The following TLE4 variants were observed in gnomAD, a reference collection of about 807,000 sequenced individuals.
TLE4 encodes transducin-like enhancer protein 4.
A neutral mutation model predicts 92.8 loss-of-function variants in TLE4; 8 were observed. That is an observed-to-expected ratio of 0.09 (90% CI 0.05 to 0.16). TLE4 has a LOEUF of 0.16. Among genes scored for constraint, TLE4 ranks in the 10% least tolerant of loss-of-function variants. The pLI, the probability that TLE4 is intolerant of heterozygous loss-of-function variation, is 1.00. For missense variants in TLE4, 675 were observed against 997.6 expected, an observed-to-expected ratio of 0.68 and a Z score of 4.36; for synonymous variants, 371 against 374.1, an observed-to-expected ratio of 0.99 and a Z score of 0.10.
At position 79,675,296 on chromosome 9, in the gene TLE4, A is replaced by G. The variant is rs555253249; in HGVS notation, c.609+21221A>G. 3.3e-5 allele frequency among the ~76,000 whole-genome samples: 5 copies of G among 152,068 alleles called. No individual in the cohort carries two copies. The East Asian group carries it at 7.7e-4, about 24-fold the overall frequency. On this transcript the variant is annotated intron_variant, in intron 8 of 19. Transcript: ENST00000376552. ...GTATTCCATTCCCTTTTTCCCTGCC[A>G]TCTCCTCCTGACCCTCCAGAAAAGG...
intron 5 of TLE4, among the ~76,000 whole-genome samples, chr9:79,626,703 C>T (rs893894550): frequency 1.3e-5 from 2 of 152,142 alleles, no homozygotes; most frequent in Non-Finnish European, 2.9e-5. Flanking sequence ...TTTTCCTGTA[C>T]TGTCCGTCCT....
chr9:79,652,847 G>C, intron 7 of TLE4, 53 bp downstream of exon 7: 1 of 1,563,066 alleles, frequency 6.4e-7, no homozygotes, highest in Non-Finnish European at 8.8e-7. Flanking sequence ...GCTGCTGAGG[G>C]TAGGTTCTGG....
chr9:79,714,144 C>T, intron 14 of TLE4, among the ~76,000 whole-genome samples: 1 of 152,178 alleles, frequency 6.6e-6, no homozygotes, highest in Non-Finnish European at 1.5e-5. Context: ...CAGGCCTGAG[C>T]TACCGCGCCC....
At chr9:79,667,259 T>C (rs1301239530) in intron 8 of TLE4, among the ~76,000 whole-genome samples, 1 of 152,100 alleles carries the variant, frequency 6.6e-6, no homozygotes, top group Non-Finnish European at 1.5e-5. Context: ...GGACAAAGGC[T>C]GTGTGTGGGC....
intron 8 of TLE4, among the ~76,000 whole-genome samples, chr9:79,677,545 A>G (rs1337269656): frequency 6.6e-6 from 1 of 151,742 alleles, no homozygotes; most frequent in Non-Finnish European, 1.5e-5. Flanking sequence ...CGTGGTAGAA[A>G]CTTTTTTAAT....
intron 8 of TLE4, among the ~76,000 whole-genome samples, chr9:79,687,415 A>C (rs2066111778): frequency 2.6e-5 from 4 of 152,208 alleles, no homozygotes; most frequent in Admixed American, 2.6e-4. Context: ...ATATCTCTCA[A>C]GTGGAGACCT....
chr9:79,610,958 A>C (rs1253299958), intron 4 of TLE4, among the ~76,000 whole-genome samples: 1 of 152,002 alleles, frequency 6.6e-6, no homozygotes, highest in Non-Finnish European at 1.5e-5. Flanking sequence ...TGACGAAAAT[A>C]TGCTTGGCAG....
intron 8 of TLE4, among the ~76,000 whole-genome samples, chr9:79,692,256 G>T (rs1036756750): frequency 4.6e-5 from 7 of 151,882 alleles, no homozygotes; most frequent in African/African-American, 1.7e-4. Flanking sequence ...GACTTCTGAA[G>T]AGAACACCAA....
intron 3 of TLE4, 60 bp from the exon 4 acceptor site, chr9:79,576,073 C>A (rs563645924): frequency 1.7e-4 from 207 of 1,238,038 alleles, no homozygotes; most frequent in Non-Finnish European, 2.1e-4. Flanking sequence ...GCATTTTGAA[C>A]AAACTAGGGA....
intron 4 of TLE4, among the ~76,000 whole-genome samples, chr9:79,598,147 G>A (rs2044553806): frequency 2.0e-5 from 3 of 151,436 alleles, no homozygotes; most frequent in African/African-American, 4.8e-5. Context: ...TGCTCGGGAG[G>A]CTGAGGCAAG....
chr9:79,645,395 G>T (rs924173054), intron 6 of TLE4, among the ~76,000 whole-genome samples: 1 of 152,198 alleles, frequency 6.6e-6, no homozygotes, highest in Admixed American at 6.5e-5. Context: ...CCTTCAATTG[G>T]AAATGCCCAA....
chr9:79,635,704 G>A (rs1190126392), intron 6 of TLE4, among the ~76,000 whole-genome samples: 1 of 151,758 alleles, frequency 6.6e-6, no homozygotes, highest in Non-Finnish European at 1.5e-5. Context: ...ATGTATGAGT[G>A]TATTTCTGAC....
At chr9:79,598,366 C>T (rs1316484528) in intron 4 of TLE4, among the ~76,000 whole-genome samples, 1 of 152,070 alleles carries the variant, frequency 6.6e-6, no homozygotes, top group Non-Finnish European at 1.5e-5. Context: ...ATCTACTTCT[C>T]CACCTTCACC....
intron 6 of TLE4, among the ~76,000 whole-genome samples, chr9:79,631,655 T>TGTGC (rs2054268125): frequency 6.7e-6 from 1 of 150,236 alleles, no homozygotes; most frequent in Non-Finnish European, 1.5e-5. Flanking sequence ...TGTGTGTGTG[T>TGTGC]GTGTGTGTTT....
chr9:79,624,912 A>G (rs2052097846), intron 5 of TLE4, among the ~76,000 whole-genome samples: 1 of 152,138 alleles, frequency 6.6e-6, no homozygotes, highest in Non-Finnish European at 1.5e-5. Context: ...TGAATGAATG[A>G]ATGCGTGAGT....
At chr9:79,590,916 GA>G (rs1245334467) in intron 4 of TLE4, among the ~76,000 whole-genome samples, 1 of 152,132 alleles carries the variant, frequency 6.6e-6, no homozygotes, top group Non-Finnish European at 1.5e-5. Flanking sequence ...ACTTAAACAT[GA>G]AAAAAGTAAC....
chr9:79,681,702 C>A (rs563182846), intron 8 of TLE4, among the ~76,000 whole-genome samples: 1 of 151,396 alleles, frequency 6.6e-6, no homozygotes, highest in East Asian at 2.0e-4. Flanking sequence ...AAATATGCTA[C>A]ATATTTTCCA....
intron 8 of TLE4, among the ~76,000 whole-genome samples, chr9:79,667,631 C>T (rs1030421235): frequency 4.9e-4 from 74 of 152,178 alleles, no homozygotes; most frequent in African/African-American, 1.7e-3. Context: ...ATCCGAAATG[C>T]GTATCCTGCC....
chr9:79,592,188 CTT>C (rs2042763999), intron 4 of TLE4, among the ~76,000 whole-genome samples: 18 of 99,800 alleles, frequency 1.8e-4, no homozygotes, highest in African/African-American at 6.4e-4. Flanking sequence ...TCTTCCTCTT[CTT>C]CTTCTTCTTC....
Sources: gnomAD v4.1 joint callset for allele counts (sites outside exome capture counted in the v4.1 genomes callset) on GRCh38, gnomAD v4.1.1 for gene constraint, MANE v1.5 for transcripts, NCBI Gene and HGNC (gene_info 2026-07-23, HGNC 2026-07-21) for gene names.